Variants in FHIT observed in about 807,000 individuals in gnomAD.
FHIT encodes the protein fragile histidine triad diadenosine triphosphatase, also known as bis(5'-adenosyl)-triphosphatase.
FHIT carries 19 observed loss-of-function variants against 17.9 expected under a neutral mutation model. That is an observed-to-expected ratio of 1.06 (90% CI 0.74 to 1.56). The LOEUF (loss-of-function observed/expected upper bound fraction) is 1.56. Ranked by LOEUF, FHIT falls within the 40% of genes most tolerant of loss-of-function variation. The probability of loss-of-function intolerance (pLI) is 0.00; values close to 1 mark genes in which losing one functional copy is unlikely to be tolerated. For synonymous variants in FHIT, 81 were observed against 69.7 expected (o/e 1.16, Z -0.81); for missense variants, 248 against 189.2 (o/e 1.31, Z -1.82).
chr3:60,874,171 C>T (rs945043005), intron 3 of FHIT, among the ~76,000 whole-genome samples: 3 of 152,124 alleles, frequency 2.0e-5, no homozygotes, highest in Non-Finnish European at 4.4e-5. Flanking sequence ...GTAATACCTA[C>T]ATTGTAGGGC....
In FHIT at chr3:60,114,001, CCAA is replaced by C. The variant is rs1203781745; in HGVS notation, c.104-99852_104-99850del. Among the ~76,000 whole-genome samples, 46 of 17,914 alleles carry C rather than the reference CCAA, an allele frequency of 2.6e-3. 13 individuals are homozygous for C. Among genetic ancestry groups the C allele is most frequent in the East Asian group, 8.4e-3 (3 of 356 alleles). The allele number at this position is 17,914 out of a possible 152,430, so 11.8% of individuals were successfully genotyped here. On this transcript the variant is annotated intron_variant, in intron 5 of 9. Transcript: ENST00000492590. The stretch of plus-strand genomic sequence containing the variant: ...TGGGCAATAGAACAAGACCCCGTCT[CCAA>C]AAAAAAAAAAAAAAAAAAAAAAAAA...
In FHIT at chr3:60,553,343, G is replaced by A. The variant is rs1018842949; in HGVS notation, c.-17-16364C>T. 1.3e-5 allele frequency: 12 copies of A among 939,556 alleles called. No individual in the cohort carries two copies. In the Admixed American group the frequency reaches 1.9e-4, roughly 15 times the overall value. The allele number at this position is 939,556 out of a possible 1,614,324, so 58.2% of individuals were successfully genotyped here. On this transcript the variant is annotated intron_variant, in intron 4 of 9. Coordinates refer to ENST00000492590, the MANE Select transcript of FHIT (RefSeq NM_002012.4). ...TAAGAAACCTACCTATGACTCAAGT[G>A]AGGACTTGTGTTTTTACGTAATGTG...
intron 5 of FHIT, among the ~76,000 whole-genome samples, chr3:60,124,618 T>C (rs903417474): frequency 2.6e-5 from 4 of 152,140 alleles, no homozygotes; most frequent in Admixed American, 6.5e-5. Context: ...TTAATCAAAG[T>C]GTCATCTAAT....
At chr3:59,905,337 AG>A (rs1704537078) in intron 8 of FHIT, among the ~76,000 whole-genome samples, 3 of 152,242 alleles carry the variant, frequency 2.0e-5, no homozygotes, top group Admixed American at 2.0e-4. Context: ...CAAAGTTTCT[AG>A]CCTGGATTTT....
At chr3:60,739,827 G>T (rs1365725240) in intron 4 of FHIT, among the ~76,000 whole-genome samples, 1 of 152,048 alleles carries the variant, frequency 6.6e-6, no homozygotes, top group Non-Finnish European at 1.5e-5. Flanking sequence ...AACTTACATA[G>T]ATACCTTCAT....
intron 5 of FHIT, among the ~76,000 whole-genome samples, chr3:60,240,843 C>G (rs1344732997): frequency 1.3e-5 from 2 of 152,056 alleles, no homozygotes; most frequent in Non-Finnish European, 2.9e-5. Flanking sequence ...AGAGCTGTAC[C>G]TGCTTTGAAA....
At chr3:60,743,306 C>A (rs1162806942) in intron 4 of FHIT, among the ~76,000 whole-genome samples, 1 of 152,144 alleles carries the variant, frequency 6.6e-6, no homozygotes, top group Non-Finnish European at 1.5e-5. Flanking sequence ...TATTGTTGTA[C>A]TTTATTGTCA....
At chr3:61,249,744 T>C (rs917450589) in intron 1 of FHIT, among the ~76,000 whole-genome samples, 1 of 152,196 alleles carries the variant, frequency 6.6e-6, no homozygotes, top group Non-Finnish European at 1.5e-5. Context: ...GCTAGCTGTG[T>C]AATCATGGGC....
chr3:60,752,757 C>T (rs1283937278), intron 4 of FHIT, among the ~76,000 whole-genome samples: 3 of 152,120 alleles, frequency 2.0e-5, no homozygotes, highest in African/African-American at 7.2e-5. Context: ...AAATCAGTCA[C>T]TGGTTTATCT....
intron 4 of FHIT, among the ~76,000 whole-genome samples, chr3:60,716,015 C>T (rs1367115202): frequency 2.0e-5 from 3 of 152,040 alleles, no homozygotes; most frequent in Non-Finnish European, 2.9e-5. Context: ...CTTCGGGAGG[C>T]CAAGGCAGGC....
At chr3:60,393,007 G>A (rs774791402) in intron 5 of FHIT, among the ~76,000 whole-genome samples, 3 of 152,078 alleles carry the variant, frequency 2.0e-5, no homozygotes, top group African/African-American at 7.2e-5. Flanking sequence ...CAATGCTCCT[G>A]TTCATTCTTC....
intron 4 of FHIT, among the ~76,000 whole-genome samples, chr3:60,789,142 A>G (rs9828871): frequency 0.01 from 1,300 of 129,204 alleles, 18 homozygotes; most frequent in Admixed American, 0.011. Context: ...ATAGAGAGAG[A>G]TGTGTGTGTG....
At chr3:59,751,899 G>T (rs1225808379) in intron 9 of FHIT, 2 of 281,854 alleles carry the variant, frequency 7.1e-6, no homozygotes, top group African/African-American at 4.3e-5. Flanking sequence ...TAAACAAGAA[G>T]TTGTGCATGA....
chr3:61,062,312 C>T (rs1332768043), intron 2 of FHIT, among the ~76,000 whole-genome samples: 1 of 152,050 alleles, frequency 6.6e-6, no homozygotes, highest in South Asian at 2.1e-4. Context: ...ATAATGAGGT[C>T]CCTAAGAGTC....
chr3:60,051,597 C>T (rs1368767916), intron 5 of FHIT, among the ~76,000 whole-genome samples: 2 of 152,146 alleles, frequency 1.3e-5, no homozygotes, highest in African/African-American at 4.8e-5. Context: ...GAACCCCTCA[C>T]CCTCAACTGC....
chr3:60,711,022 C>G (rs1179845024), intron 4 of FHIT, among the ~76,000 whole-genome samples: 1 of 152,164 alleles, frequency 6.6e-6, no homozygotes, highest in African/African-American at 2.4e-5. Context: ...GGGAGGCACC[C>G]CCCAGTAGGG....
At chr3:60,248,589 A>T (rs1376290738) in intron 5 of FHIT, among the ~76,000 whole-genome samples, 1 of 152,116 alleles carries the variant, frequency 6.6e-6, no homozygotes, top group Non-Finnish European at 1.5e-5. Context: ...ATTTGAAGAA[A>T]CTCTGAGAAA....
chr3:60,831,742 T>C (rs1487657187), intron 3 of FHIT, among the ~76,000 whole-genome samples: 6 of 151,882 alleles, frequency 4.0e-5, no homozygotes, highest in African/African-American at 1.5e-4. Context: ...AGTTGAAGAG[T>C]TTGTCCAAGA....
rs374225246 is a variant in FHIT, at chr3:60,301,276, T to C, written c.103+235584A>G. Among the ~76,000 whole-genome samples, 4 of 152,164 alleles carry C rather than the reference T, an allele frequency of 2.6e-5. No individual in the cohort carries two copies. In the East Asian group the frequency reaches 5.8e-4, roughly 22 times the overall value. On this transcript the variant is annotated intron_variant, in intron 5 of 9. Transcript: ENST00000492590. ...TGCTTCATAAGGTCAAGGGAAAAGC[T>C]GGACATATAAACTAGAGATAGTGTG...
Sources: gnomAD v4.1 joint callset for allele counts (sites outside exome capture counted in the v4.1 genomes callset) on GRCh38, gnomAD v4.1.1 for gene constraint, MANE v1.5 for transcripts, NCBI Gene and HGNC (gene_info 2026-07-23, HGNC 2026-07-21) for gene names.